SUGCT: variants seen among roughly 807,000 people sequenced by gnomAD.
SUGCT encodes the protein succinyl-CoA:glutarate CoA-transferase.
A neutral mutation model predicts 55.0 loss-of-function variants in SUGCT; 41 were observed. That is an observed-to-expected ratio of 0.74 (90% confidence interval 0.58 to 0.97). The LOEUF is 0.97. Among genes scored for constraint, SUGCT ranks in the 50% least tolerant of loss-of-function variants. The pLI, the probability that SUGCT is intolerant of heterozygous loss-of-function variation, is 0.00. For synonymous variants in SUGCT, 187 were observed against 200.4 expected, an observed-to-expected ratio of 0.93 and a Z score of 0.56; for missense variants, 568 against 547.8, an observed-to-expected ratio of 1.04 and a Z score of -0.37.
chr7:40,391,464 G>C (rs1785424718), intron 9 of SUGCT, among the ~76,000 whole-genome samples: 1 of 152,152 alleles, frequency 6.6e-6, no homozygotes, highest in Non-Finnish European at 1.5e-5. Context: ...CCATCAAAAA[G>C]TGGGCAAAGG....
chr7:40,735,283 G>A (rs1787097049), intron 12 of SUGCT, among the ~76,000 whole-genome samples: 1 of 152,176 alleles, frequency 6.6e-6, no homozygotes. Flanking sequence ...AATCACCTTT[G>A]TATTTCACTG....
chr7:40,169,894 G>A lies in SUGCT; in HGVS notation c.101-11053G>A, dbSNP rs539973591. ...TTTCCTAATGTCTGCAACTGACTGA[G>A]TGATAAACTTATCCTTTAAGATTAG... On this transcript the variant is annotated intron_variant, in intron 1 of 13. Transcript: ENST00000335693. 8.5e-5 allele frequency among the ~76,000 whole-genome samples: 13 copies of A among 152,276 alleles called. No homozygotes were observed. In the South Asian group the frequency reaches 2.3e-3, roughly 27 times the overall value.
chr7:40,687,213 A>G (rs1784505592), intron 12 of SUGCT, among the ~76,000 whole-genome samples: 1 of 152,134 alleles, frequency 6.6e-6, no homozygotes, highest in South Asian at 2.1e-4. Flanking sequence ...GAGAATTATG[A>G]GGGAAGAGTA....
At chr7:40,966,047 A>G in the SUGCT span, 1 of 152,218 alleles carries the variant, frequency 6.6e-6, no homozygotes, top group Admixed American at 6.5e-5. Flanking sequence ...AAGTATCTCT[A>G]TTTGCATAGG....
At chr7:40,598,185 G>C (rs1798115163) in intron 12 of SUGCT, among the ~76,000 whole-genome samples, 1 of 152,184 alleles carries the variant, frequency 6.6e-6, no homozygotes, top group Non-Finnish European at 1.5e-5. Context: ...AACCTTAGCT[G>C]TTGCTTAAAG....
intron 8 of SUGCT, among the ~76,000 whole-genome samples, chr7:40,287,735 G>A (rs1793450317): frequency 6.6e-6 from 1 of 152,244 alleles, no homozygotes; most frequent in African/African-American, 2.4e-5. Context: ...CTGAGCTCAA[G>A]TGATCCTCCT....
intron 12 of SUGCT, among the ~76,000 whole-genome samples, chr7:40,633,921 A>G (rs1256126247): frequency 6.6e-6 from 1 of 152,200 alleles, no homozygotes; most frequent in African/African-American, 2.4e-5. Flanking sequence ...ATATCATTTT[A>G]TGCAATGATA....
At position 40,182,035 on chromosome 7, in the gene SUGCT, C is replaced by T; in HGVS notation, c.226+7C>T. ...ATAAAAGTGGAGAGACCAGGTAAAG[C>T]TATTACTCCCTTTAAAAAATAGAAA... On this transcript the variant is annotated splice_region_variant and intron_variant, in intron 3 of 13. Transcript: ENST00000335693. 1 of 1,497,252 alleles carries T rather than the reference C, an allele frequency of 6.7e-7. No homozygotes were observed. Among genetic ancestry groups the T allele is most frequent in the Non-Finnish European group, 9.1e-7 (1 of 1,096,282 alleles). 92.7% of individuals were successfully genotyped at this position (1,497,252 alleles called of 1,614,324 possible).
chr7:40,924,882 T>G, the SUGCT span, among the ~76,000 whole-genome samples: 936 of 152,364 alleles, frequency 6.1e-3, 6 homozygotes, highest in African/African-American at 0.021. Flanking sequence ...GATGCTTTCA[T>G]GTCATTATGT....
At chr7:40,458,678 T>C (rs1325349722) in intron 10 of SUGCT, among the ~76,000 whole-genome samples, 3 of 152,244 alleles carry the variant, frequency 2.0e-5, no homozygotes, top group African/African-American at 7.2e-5. Flanking sequence ...ACATGTTGAC[T>C]GTATACAAGA....
chr7:40,292,109 G>A (rs190474290), intron 8 of SUGCT, among the ~76,000 whole-genome samples: 171 of 152,246 alleles, frequency 1.1e-3, no homozygotes, highest in African/African-American at 4.1e-3. Flanking sequence ...AGGTGGAGGT[G>A]GCTACAGACA....
chr7:40,526,889 A>G (rs1029573997), intron 12 of SUGCT, among the ~76,000 whole-genome samples: 6 of 152,160 alleles, frequency 3.9e-5, no homozygotes, highest in African/African-American at 1.4e-4. Context: ...CCTTGATGCC[A>G]GAAGATGTGA....
chr7:40,289,844 A>T (rs1389424685), intron 8 of SUGCT, among the ~76,000 whole-genome samples: 1 of 152,066 alleles, frequency 6.6e-6, no homozygotes, highest in African/African-American at 2.4e-5. Context: ...AATCACAAGC[A>T]TTCTTATACA....
At chr7:40,655,163 G>C (rs911689878) in intron 12 of SUGCT, among the ~76,000 whole-genome samples, 1 of 151,976 alleles carries the variant, frequency 6.6e-6, no homozygotes, top group African/African-American at 2.4e-5. Context: ...GTGCGGTGGC[G>C]TGTGCCTTTA....
Position 40,135,108 on chromosome 7 carries a change from CG to C in SUGCT, c.89del (p.Arg30ProfsTer6). 2 of 1,554,894 alleles carry C rather than the reference CG, an allele frequency of 1.3e-6. No individual in the cohort carries two copies. The highest frequency in any genetic ancestry group is 2.8e-5 in the African/African-American group (2 of 72,714). Reference sequence around the variant, plus strand: ...CGGCGGGAGGGGGCTGTGGACTGGCCGCCCGCAGTCAGGTACCCTCCGAGAT... The same window carrying C: ...CGGCGGGAGGGGGCTGTGGACTGGCCCCCGCAGTCAGGTACCCTCCGAGAT... ...RGGGRGLWTG[R>X]PQSDMNNIKP... On this transcript the variant is annotated frameshift_variant, in exon 1 of 14. Coordinates refer to ENST00000335693, the MANE Select transcript of SUGCT (RefSeq NM_001193313.2). LOFTEE classifies it high-confidence loss of function.
intron 9 of SUGCT, among the ~76,000 whole-genome samples, chr7:40,442,761 T>C (rs1788586227): frequency 6.6e-6 from 1 of 152,190 alleles, no homozygotes. Flanking sequence ...CCAGGGTACA[T>C]GTTTACAACG....
the SUGCT span, among the ~76,000 whole-genome samples, chr7:40,986,231 A>C: frequency 6.6e-6 from 1 of 152,226 alleles, no homozygotes; most frequent in Non-Finnish European, 1.5e-5. Context: ...TCAATGATTT[A>C]TTTAAGAACC....
At chr7:40,628,874 G>A (rs1195664908) in intron 12 of SUGCT, among the ~76,000 whole-genome samples, 1 of 152,054 alleles carries the variant, frequency 6.6e-6, no homozygotes, top group African/African-American at 2.4e-5. Context: ...TCTAGTAGCT[G>A]GGACTACAGG....
chr7:40,477,190 A>C (rs529285266), intron 11 of SUGCT, among the ~76,000 whole-genome samples: 2 of 152,318 alleles, frequency 1.3e-5, no homozygotes, highest in South Asian at 4.1e-4. Flanking sequence ...CATATTATAC[A>C]TTCATATTTA....
Sources: allele counts gnomAD v4.1 joint callset (sites outside exome capture counted in the v4.1 genomes callset), GRCh38; gene constraint gnomAD v4.1.1; transcripts MANE v1.5; gene names NCBI Gene and HGNC (gene_info 2026-07-23, HGNC 2026-07-21).